Variants in KLF3 observed in about 807,000 individuals in gnomAD.
The protein encoded by KLF3 is Krueppel-like factor 3.
KLF3 carries 6 observed loss-of-function variants against 32.7 expected under a neutral mutation model. The ratio of observed to expected loss-of-function variants is 0.18; its 90% CI spans 0.10 to 0.36. The LOEUF (loss-of-function observed/expected upper bound fraction) is 0.36. Among genes scored for constraint, KLF3 ranks in the 10% least tolerant of loss-of-function variants. The pLI, the probability that KLF3 is intolerant of heterozygous loss-of-function variation, is 1.00. For missense variants in KLF3, 338 were observed against 449.7 expected, an observed-to-expected ratio of 0.75 and a Z score of 2.25; for synonymous variants, 145 against 172.8, an observed-to-expected ratio of 0.84 and a Z score of 1.26.
rs1022431862 is a variant in KLF3, at chr4:38,695,611, C to G, written c.856+705C>G. ...TAACAGCCAGGTGCAGTGACGTGCA[C>G]CTGTGGTCCCAGCTCCTTGGGAGGT... On this transcript the variant is annotated intron_variant, in intron 5 of 5. Transcript: ENST00000261438. 3.3e-5 allele frequency among the ~76,000 whole-genome samples: 5 copies of G among 152,158 alleles called. No homozygotes were observed. The East Asian group carries it at 9.6e-4, about 29-fold the overall frequency.
intron 2 of KLF3, chr4:38,680,887 C>T: frequency 2.4e-6 from 1 of 411,178 alleles, no homozygotes; most frequent in Non-Finnish European, 4.7e-6. Flanking sequence ...CCCGTCTCTA[C>T]TAAAAATACC....
intron 2 of KLF3, among the ~76,000 whole-genome samples, chr4:38,683,321 A>G (rs994245289): frequency 3.3e-5 from 5 of 152,174 alleles, no homozygotes; most frequent in African/African-American, 1.2e-4. Flanking sequence ...AGCAGAAACA[A>G]TCGCTTGTTT....
At chr4:38,668,022 G>A (rs977506749) in intron 1 of KLF3, among the ~76,000 whole-genome samples, 1 of 152,120 alleles carries the variant, frequency 6.6e-6, no homozygotes, top group Non-Finnish European at 1.5e-5. Context: ...TTTCCAACCC[G>A]TTTTTAAGAA....
intron 1 of KLF3, among the ~76,000 whole-genome samples, chr4:38,665,801 T>C (rs1371709353): frequency 2.0e-5 from 3 of 152,224 alleles, no homozygotes; most frequent in Non-Finnish European, 4.4e-5. Context: ...GTGCTATCCT[T>C]TTCTGTACGA....
rs1220362200 is a variant in KLF3 at position 38,698,232 on chromosome 4, T to C, written c.*969T>C. ...GGGACTCCATGGAATATTTGCCCAGTAATGGTAAGAAATCTTTCGGGTAAG... is the reference window on the plus strand; with the variant it reads ...GGGACTCCATGGAATATTTGCCCAGCAATGGTAAGAAATCTTTCGGGTAAG... On this transcript the variant is annotated 3_prime_UTR_variant, in exon 6 of 6. Transcript: ENST00000261438. 5.9e-5 allele frequency: 9 copies of C among 152,376 alleles called. No homozygotes were observed. Among genetic ancestry groups the C allele is most frequent in the African/African-American group, 4.8e-5 (2 of 41,458 alleles). 9.4% of individuals were successfully genotyped at this position (152,376 alleles called of 1,614,324 possible).
At chr4:38,690,016 C>T in intron 4 of KLF3, 137 bp downstream of exon 4, 1 of 725,132 alleles carries the variant, frequency 1.4e-6, no homozygotes, top group African/African-American at 1.8e-5. Flanking sequence ...GCCACTGGTC[C>T]AGTACCACTG....
In KLF3 at chr4:38,694,921, A is replaced by G. The variant is rs1723005061; in HGVS notation, c.856+15A>G. On this transcript the variant is annotated intron_variant, in intron 5 of 5. Coordinates refer to ENST00000261438, the MANE Select transcript of KLF3 (RefSeq NM_016531.6). The stretch of plus-strand genomic sequence containing the variant: ...AACACACACAGGTAATAGAAACACC[A>G]GACCCACTTCATCTTTCTTCTTAAG... 2 of 1,580,548 alleles carry G rather than the reference A, an allele frequency of 1.3e-6. No individual in the cohort carries two copies. The highest frequency in any genetic ancestry group is 4.6e-5 in the East Asian group (2 of 43,254).
At chr4:38,666,157 G>T (rs1223198376) in intron 1 of KLF3, among the ~76,000 whole-genome samples, 1 of 152,150 alleles carries the variant, frequency 6.6e-6, no homozygotes, top group Non-Finnish European at 1.5e-5. Context: ...GTTCAATGAT[G>T]ATACATTGTA....
At chr4:38,683,576 T>C (rs1722599477) in intron 2 of KLF3, among the ~76,000 whole-genome samples, 2 of 151,916 alleles carry the variant, frequency 1.3e-5, no homozygotes, top group Admixed American at 1.3e-4. Flanking sequence ...TTTTTTTTTT[T>C]TGAAAAAATT....
intron 2 of KLF3, among the ~76,000 whole-genome samples, chr4:38,682,469 T>G (rs1203503414): frequency 3.9e-5 from 6 of 152,234 alleles, no homozygotes; most frequent in Non-Finnish European, 5.9e-5. Context: ...GTATAAAATT[T>G]CCCCATTAGT....
chr4:38,701,375 A>ACTTG lies in KLF3; in HGVS notation c.*4114_*4117dup, dbSNP rs5857637. ...GAACCCCTGCCTGCTTCCAAAAAGA[A>ACTTG]CTTGCAGCATTTTGTATTAAAAGAC... On this transcript the variant is annotated 3_prime_UTR_variant, in exon 6 of 6. Transcript: ENST00000261438. Among the ~76,000 whole-genome samples the ACTTG allele has an allele frequency of 0.17, 25,316 of 152,176 alleles. 2,396 individuals carry two copies. The highest frequency in any genetic ancestry group is 0.3 in the Middle Eastern group (88 of 292).
At chr4:38,690,490 G>GGGT (rs1205804632) in intron 4 of KLF3, 1 of 152,256 alleles carries the variant, frequency 6.6e-6, no homozygotes, top group Non-Finnish European at 1.5e-5. Flanking sequence ...GTTTGTAGTT[G>GGGT]CTAAGAAGAT....
At chr4:38,672,224 A>G (rs337623) in intron 1 of KLF3, among the ~76,000 whole-genome samples, 125,731 of 152,154 alleles carry the variant, frequency 0.83, 52,811 homozygotes, top group African/African-American at 0.96. Flanking sequence ...CTCCTACTAT[A>G]AGCTAAGTGC....
chr4:38,678,360 A>G (rs1722413405), intron 1 of KLF3, among the ~76,000 whole-genome samples: 1 of 152,192 alleles, frequency 6.6e-6, no homozygotes. Context: ...CCCAAGACAC[A>G]AAAGCGTTTT....
chr4:38,669,472 G>A (rs766521581), intron 1 of KLF3, among the ~76,000 whole-genome samples: 2 of 152,032 alleles, frequency 1.3e-5, no homozygotes, highest in Non-Finnish European at 2.9e-5. Context: ...GTCTGAAGGC[G>A]GGGAATAGCC....
In KLF3 at chr4:38,699,594, T is replaced by C. The variant is rs1405833997; in HGVS notation, c.*2331T>C. The C allele has an allele frequency of 6.6e-6, 1 of 152,222 alleles. No individual in the cohort carries two copies. The highest frequency in any genetic ancestry group is 1.5e-5 in the Non-Finnish European group (1 of 68,040). The allele number at this position is 152,222 out of a possible 1,614,324, so 9.4% of individuals were successfully genotyped here. On this transcript the variant is annotated 3_prime_UTR_variant, in exon 6 of 6. Coordinates refer to ENST00000261438, the MANE Select transcript of KLF3 (RefSeq NM_016531.6). The stretch of plus-strand genomic sequence containing the variant: ...ATAGCCTCATGGGCATCTCATGGAA[T>C]TGATGCATTTGCTGTGGCATATTTA...
At chr4:38,665,155 C>G (rs1223115784) in intron 1 of KLF3, among the ~76,000 whole-genome samples, 2 of 152,172 alleles carry the variant, frequency 1.3e-5, no homozygotes, top group Admixed American at 1.3e-4. Context: ...GCCAGGGCGT[C>G]TGGATCCTCC....
chr4:38,678,306 T>C (rs1245870467), intron 1 of KLF3, among the ~76,000 whole-genome samples: 1 of 152,170 alleles, frequency 6.6e-6, no homozygotes, highest in Non-Finnish European at 1.5e-5. Flanking sequence ...TAGAACCATG[T>C]TCATCCGTAC....
chr4:38,692,490 T>G (rs1311714980), intron 4 of KLF3, among the ~76,000 whole-genome samples: 2 of 152,206 alleles, frequency 1.3e-5, no homozygotes, highest in Non-Finnish European at 2.9e-5. Flanking sequence ...CTGAAAATAT[T>G]CATGGCTACC....
Sources: gnomAD v4.1 joint callset for allele counts (sites outside exome capture counted in the v4.1 genomes callset) on GRCh38, gnomAD v4.1.1 for gene constraint, MANE v1.5 for transcripts, NCBI Gene and HGNC (gene_info 2026-07-23, HGNC 2026-07-21) for gene names.